SLC8A1: variants seen among roughly 807,000 people sequenced by gnomAD.
SLC8A1 encodes solute carrier family 8 member A1, also known as sodium/calcium exchanger 1.
SLC8A1 carries 18 observed loss-of-function variants against 68.3 expected under a neutral mutation model. The observed-to-expected ratio is 0.26, with a 90% confidence interval of 0.18 to 0.39. SLC8A1 has a LOEUF of 0.39. Among genes scored for constraint, SLC8A1 ranks in the 10% least tolerant of loss-of-function variants. SLC8A1 has a pLI of 1.00. For missense variants in SLC8A1, 985 were observed against 1,156.7 expected (o/e 0.85, Z 2.15); for synonymous variants, 475 against 415.5 (o/e 1.14, Z -1.74).
Position 40,332,981 on chromosome 2 carries a change from A to C in SLC8A1, c.1808+95492T>G, listed in dbSNP as rs181696729. On this transcript the variant is annotated intron_variant, in intron 2 of 7. Transcript: ENST00000406785. Reference sequence around the variant, plus strand: ...TTTTCCTTTCTGCACAATGCAATACAAGCTGAAATAAAAATGTAGCTTTCT... The same window carrying C: ...TTTTCCTTTCTGCACAATGCAATACCAGCTGAAATAAAAATGTAGCTTTCT... 5.0e-3 allele frequency among the ~76,000 whole-genome samples: 768 copies of C among 152,386 alleles called. 3 individuals carry two copies. Among genetic ancestry groups the C allele is most frequent in the Admixed American group, 0.01 (157 of 15,306 alleles).
In SLC8A1 at chr2:40,292,135, G is replaced by A. The variant is rs539646483; in HGVS notation, c.1809-114280C>T. ...CAGTGGAAAGAAATTTTAAAAAGAG[G>A]GAGGAAAAACTAAACCATGAGACCA... On this transcript the variant is annotated intron_variant, in intron 2 of 7. Transcript: ENST00000406785. 1.5e-3 allele frequency among the ~76,000 whole-genome samples: 230 copies of A among 152,136 alleles called. 2 individuals are homozygous for A. Among genetic ancestry groups the A allele is most frequent in the African/African-American group, 5.3e-3 (218 of 41,516 alleles).
rs949758087 is a variant in SLC8A1, at chr2:40,277,898, A to G, written c.1809-100043T>C. On this transcript the variant is annotated intron_variant, in intron 2 of 7. Coordinates refer to ENST00000406785, the Ensembl canonical transcript of SLC8A1. ...AAGGATATAAAAGCTTTACATCTAA[A>G]ATGTATTTAATTTTAACACCAACAT... Among the ~76,000 whole-genome samples, 4 of 149,704 alleles carry G rather than the reference A, an allele frequency of 2.7e-5. No homozygotes were observed. The East Asian group carries it at 7.9e-4, about 30-fold the overall frequency.
chr2:40,312,067 C>CA (rs778455602), intron 2 of SLC8A1, among the ~76,000 whole-genome samples: 1 of 152,006 alleles, frequency 6.6e-6, no homozygotes, highest in Non-Finnish European at 1.5e-5. Flanking sequence ...CTAGGCTAGA[C>CA]AAAAAATTCA....
At chr2:40,381,414 T>A (rs998562980) in intron 2 of SLC8A1, among the ~76,000 whole-genome samples, 1 of 152,030 alleles carries the variant, frequency 6.6e-6, no homozygotes, top group Non-Finnish European at 1.5e-5. Flanking sequence ...GGGACAAACT[T>A]CACAACTCCT....
Position 40,241,213 on chromosome 2 carries a change from G to C in SLC8A1, c.1809-63358C>G, listed in dbSNP as rs538679421. Among the ~76,000 whole-genome samples the C allele has an allele frequency of 6.6e-5, 10 of 152,274 alleles. No individual in the cohort carries two copies. In the South Asian group the frequency reaches 1.2e-3, roughly 19 times the overall value. On this transcript the variant is annotated intron_variant, in intron 2 of 7. Transcript: ENST00000406785. Reference sequence around the variant, plus strand: ...GGTTTTTGCAGTGATATGGATGCAAGTGGAGGCCATAATCCTCAGCGAATT... The same window carrying C: ...GGTTTTTGCAGTGATATGGATGCAACTGGAGGCCATAATCCTCAGCGAATT...
chr2:40,380,710 AAT>A lies in SLC8A1; in HGVS notation c.1808+47761_1808+47762del, dbSNP rs373018865. ...TACTGCGATTTCAAAGATTAAACTT[AAT>A]AGAATTTCCTGAGCAATGATGGTCC... On this transcript the variant is annotated intron_variant, in intron 2 of 7. Coordinates refer to ENST00000406785, the Ensembl canonical transcript of SLC8A1. Among the ~76,000 whole-genome samples, 166 of 152,216 alleles carry A rather than the reference AAT, an allele frequency of 1.1e-3. 4 individuals carry two copies. In the South Asian group the frequency reaches 0.033, roughly 30 times the overall value.
intron 2 of SLC8A1, among the ~76,000 whole-genome samples, chr2:40,260,751 T>G (rs925230561): frequency 4.6e-5 from 7 of 151,982 alleles, no homozygotes; most frequent in Non-Finnish European, 1.5e-5. Context: ...GTTTTTTTTT[T>G]TTTTAATTTA....
At chr2:40,118,508 G>A (rs2036008415) in intron 7 of SLC8A1, 1 of 150,850 alleles carries the variant, frequency 6.6e-6, no homozygotes, top group Non-Finnish European at 1.5e-5. Flanking sequence ...AGAGACTGGT[G>A]AGTAAAAGCA....
At chr2:40,223,752 G>T (rs2058640291) in intron 2 of SLC8A1, 1 of 151,964 alleles carries the variant, frequency 6.6e-6, no homozygotes, top group African/African-American at 2.4e-5. Context: ...ACAGAAAGCA[G>T]TAAGTTACAC....
chr2:40,181,880 C>T (rs1353793877), intron 2 of SLC8A1, among the ~76,000 whole-genome samples: 1 of 152,228 alleles, frequency 6.6e-6, no homozygotes, highest in African/African-American at 2.4e-5. Flanking sequence ...GATACTGCTA[C>T]CACTTCTTCC....
intron 2 of SLC8A1, among the ~76,000 whole-genome samples, chr2:40,281,466 C>G (rs2067510869): frequency 6.6e-6 from 1 of 152,166 alleles, no homozygotes; most frequent in Non-Finnish European, 1.5e-5. Context: ...AGGCTATGTG[C>G]CAAGAATAGC....
rs1021863907 is a variant in SLC8A1 at position 40,486,712 on chromosome 2, T to C, written c.-25+25637A>G. Among the ~76,000 whole-genome samples the C allele has an allele frequency of 2.0e-5, 3 of 151,318 alleles. No individual in the cohort carries two copies. In the South Asian group the frequency reaches 6.2e-4, roughly 31 times the overall value. Reference sequence around the variant, plus strand: ...TATTAGTAGTATCTTAATATGTTTTTTTTAATTTCTTTTTTTTTTTATTAT... The same window carrying C: ...TATTAGTAGTATCTTAATATGTTTTCTTTAATTTCTTTTTTTTTTTATTAT... On this transcript the variant is annotated intron_variant, in intron 1 of 7. Coordinates refer to the SLC8A1 transcript ENST00000402441.
Position 40,193,215 on chromosome 2 carries a change from C to G in SLC8A1, c.1809-15360G>C, listed in dbSNP as rs539775918. Among the ~76,000 whole-genome samples, 159 of 152,178 alleles carry G rather than the reference C, an allele frequency of 1.0e-3. 1 individual carries two copies. The highest frequency in any genetic ancestry group is 1.7e-3 in the Non-Finnish European group (115 of 67,996). ...CAAAATGAATGGTGTGTAGGTGATTCAAGCTCATGACCTGGACATCATGAG... is the reference window on the plus strand; with the variant it reads ...CAAAATGAATGGTGTGTAGGTGATTGAAGCTCATGACCTGGACATCATGAG... On this transcript the variant is annotated intron_variant, in intron 2 of 7. Transcript: ENST00000406785.
chr2:40,454,837 C>A (rs1702908222), upstream of SLC8A1, among the ~76,000 whole-genome samples: 1 of 152,174 alleles, frequency 6.6e-6, no homozygotes, highest in African/African-American at 2.4e-5. Flanking sequence ...TCAAAGGCTG[C>A]ATCACAGGCA....
At chr2:40,463,254 G>C (rs1703448820) in intron 1 of SLC8A1, among the ~76,000 whole-genome samples, 1 of 152,128 alleles carries the variant, frequency 6.6e-6, no homozygotes, top group African/African-American at 2.4e-5. Context: ...AGCAGCTTCG[G>C]ACACAAAGGC....
At chr2:40,253,229 A>G (rs553712718) in intron 2 of SLC8A1, among the ~76,000 whole-genome samples, 2 of 150,040 alleles carry the variant, frequency 1.3e-5, no homozygotes, top group Non-Finnish European at 3.0e-5. Context: ...TTACATATAC[A>G]TACATGTGCG....
At chr2:40,251,261 G>A (rs977960129) in intron 2 of SLC8A1, 1 of 152,152 alleles carries the variant, frequency 6.6e-6, no homozygotes, top group African/African-American at 2.4e-5. Flanking sequence ...GTCAGAGATA[G>A]ATATAAAAAA....
At chr2:40,381,171 G>T (rs1681652979) in intron 2 of SLC8A1, among the ~76,000 whole-genome samples, 1 of 151,940 alleles carries the variant, frequency 6.6e-6, no homozygotes, top group South Asian at 2.1e-4. Flanking sequence ...AAAATCGGGG[G>T]TTGGCTGCAC....
intron 2 of SLC8A1, among the ~76,000 whole-genome samples, chr2:40,203,815 C>G (rs909707565): frequency 6.6e-6 from 1 of 151,990 alleles, no homozygotes; most frequent in Non-Finnish European, 1.5e-5. Flanking sequence ...AAATGATCCT[C>G]TACCTCATCC....
Sources: gnomAD v4.1 joint callset for allele counts (sites outside exome capture counted in the v4.1 genomes callset) on GRCh38, gnomAD v4.1.1 for gene constraint, MANE v1.5 for transcripts, NCBI Gene and HGNC (gene_info 2026-07-23, HGNC 2026-07-21) for gene names.